GFER: variants seen among roughly 807,000 people sequenced by gnomAD.
The protein encoded by GFER is growth factor, augmenter of liver regeneration, also known as FAD-linked sulfhydryl oxidase ALR.
GFER carries 24 observed loss-of-function variants against 18.2 expected under a neutral mutation model. The ratio of observed to expected loss-of-function variants is 1.32; its 90% CI spans 0.96 to 1.86. GFER has a LOEUF of 1.86. GFER is among the 40% of genes most tolerant of loss of function. GFER has a pLI of 0.00. For synonymous variants in GFER, 138 were observed against 126.9 expected (o/e 1.09, Z -0.59); for missense variants, 316 against 295.6 (o/e 1.07, Z -0.51).
At position 1,986,847 on chromosome 16, in the gene GFER, G is replaced by C. The variant is rs1294994637; in HGVS notation, c.*819G>C. The C allele has an allele frequency of 6.5e-6, 1 of 153,142 alleles. No homozygotes were observed. The highest frequency in any genetic ancestry group is 6.5e-5 in the Admixed American group (1 of 15,332). The allele number at this position is 153,142 out of a possible 1,614,324, so 9.5% of individuals were successfully genotyped here. A position where few individuals can be genotyped will look rare whatever the true frequency, so the allele number is the denominator to read the frequency against. ...CAAGGACGTTGATTGGTTGGGGCAG[G>C]GGGGCCAGAGTAGCTGATGTAGGAG... On this transcript the variant is annotated 3_prime_UTR_variant, in exon 3 of 3. Coordinates refer to ENST00000248114, the MANE Select transcript of GFER (RefSeq NM_005262.3).
intron 2 of GFER, 32 bp downstream of exon 2, chr16:1,984,975 C>T (rs2083556024): frequency 6.5e-7 from 1 of 1,532,012 alleles, no homozygotes; most frequent in South Asian, 1.1e-5. Context: ...CAGAGCTTTG[C>T]ACTGGAGCCT....
Position 1,984,252 on chromosome 16 carries a change from G to C in GFER, c.34G>C (p.Gly12Arg), listed in dbSNP as rs1440828796. Residue 12 changes from glycine (G) to arginine (R), a missense_variant, in exon 1 of 3, where the codon GGC becomes CGC. By Grantham distance (125) the Gly-to-Arg change is moderately radical (BLOSUM62 -2). Coordinates refer to ENST00000248114, the MANE Select transcript of GFER (RefSeq NM_005262.3). The stretch of plus-strand genomic sequence containing the variant: ...GCCCGGCGAGCGGGGCCGCTTCCAC[G>C]GCGGGAACCTCTTCTTCCTGCCGGG... Reference protein sequence around the residue: ...AAPGERGRFHGGNLFFLPGGA... With the variant: ...AAPGERGRFHRGNLFFLPGGA... 2 of 1,475,782 alleles carry C rather than the reference G, an allele frequency of 1.4e-6. No homozygotes were observed. Among genetic ancestry groups the C allele is most frequent in the African/African-American group, 2.9e-5 (2 of 67,924 alleles). 91.4% of individuals were successfully genotyped at this position (1,475,782 alleles called of 1,614,324 possible).
chr16:1,984,842 C>A lies in GFER; in HGVS notation c.354C>A (p.Pro118=), dbSNP rs1276434133. Residue 118 remains proline, a synonymous_variant, in exon 2 of 3, where the codon CCC becomes CCA. Transcript: ENST00000248114. ...AVLHTLAAYY[P]DLPTPEQQQD... is the part of the protein sequence containing the mutation. ...TCCACACCCTGGCCGCCTACTACCCCGACCTGCCCACCCCAGAACAGCAGC... is the reference window on the plus strand; with the variant it reads ...TCCACACCCTGGCCGCCTACTACCCAGACCTGCCCACCCCAGAACAGCAGC... 11 of 1,613,518 alleles carry A rather than the reference C, an allele frequency of 6.8e-6. No homozygotes were observed. The highest frequency in any genetic ancestry group is 9.3e-6 in the Non-Finnish European group (11 of 1,179,806).
At chr16:1,985,802 G>C in intron 2 of GFER, 64 bp from the exon 3 acceptor site, 2 of 1,431,580 alleles carry the variant, frequency 1.4e-6, no homozygotes, top group Non-Finnish European at 2.0e-6. Context: ...ACAGCAGACA[G>C]GGAACTGGCA....
intron 1 of GFER, 55 bp downstream of exon 1, chr16:1,984,531 C>G: frequency 2.6e-6 from 4 of 1,526,196 alleles, no homozygotes; most frequent in Non-Finnish European, 2.6e-6. Context: ...TCCCCGCCCC[C>G]GCCCAGGTAC....
chr16:1,985,950 G>A lies in GFER; in HGVS notation c.540G>A (p.Lys180=). 1 of 1,613,154 alleles carries A rather than the reference G, an allele frequency of 6.2e-7. No individual in the cohort carries two copies. Among genetic ancestry groups the A allele is most frequent in the Middle Eastern group, 1.6e-4 (1 of 6,062 alleles). The change falls in exon 3 of 3, where the codon AAG becomes AAA. Residue 180 remains lysine (K), a synonymous_variant. Coordinates refer to ENST00000248114, the MANE Select transcript of GFER (RefSeq NM_005262.3). Reference sequence around the variant, plus strand: ...ACCTGCACAATGAAGTGAACCGCAAGCTGGGCAAGCCTGACTTCGACTGCT... The same window carrying A: ...ACCTGCACAATGAAGTGAACCGCAAACTGGGCAAGCCTGACTTCGACTGCT... ...LCHLHNEVNR[K]LGKPDFDCSK...
rs558272206 is a variant in GFER at position 1,984,527 on chromosome 16, C to A, written c.258+51C>A. The A allele has an allele frequency of 4.6e-6, 7 of 1,531,928 alleles. No individual in the cohort carries two copies. The East Asian group carries it at 1.7e-4, about 37-fold the overall frequency. 94.9% of individuals were successfully genotyped at this position (1,531,928 alleles called of 1,614,324 possible). A position where few individuals can be genotyped will look rare whatever the true frequency, so the allele number is the denominator to read the frequency against. Reference sequence around the variant, plus strand: ...CAGCCCCGCGCAGCCCCTGTCCCCGCCCCCGCCCAGGTACCCCGGCAGAGC... The same window carrying A: ...CAGCCCCGCGCAGCCCCTGTCCCCGACCCCGCCCAGGTACCCCGGCAGAGC... On this transcript the variant is annotated intron_variant, in intron 1 of 2. Transcript: ENST00000248114.
intron 2 of GFER, 51 bp from the exon 3 acceptor site, chr16:1,985,815 G>A: frequency 2.0e-6 from 3 of 1,522,042 alleles, no homozygotes; most frequent in South Asian, 2.2e-5. Flanking sequence ...AACTGGCAGG[G>A]GCAGTGGAGC....
Position 1,987,672 on chromosome 16 carries a change from GC to G in GFER, c.*1652del, listed in dbSNP as rs372788926. On this transcript the variant is annotated 3_prime_UTR_variant, in exon 3 of 3. Transcript: ENST00000248114. ...TCTGCTGTCCCTCCCCTGCCCCCCT[GC>G]CCCCCCCACCGCCTTCCCTTTTTCC... 0.18 allele frequency: 22,610 copies of G among 127,938 alleles called. 2,137 individuals carry two copies. The highest frequency in any genetic ancestry group is 0.34 in the South Asian group (1,484 of 4,336). 7.9% of individuals were successfully genotyped at this position (127,938 alleles called of 1,614,324 possible).
chr16:1,985,300 C>T (rs923350148), intron 2 of GFER, among the ~76,000 whole-genome samples: 1 of 152,272 alleles, frequency 6.6e-6, no homozygotes, highest in Admixed American at 6.5e-5. Context: ...AAATCCACTG[C>T]TTTTGCTCCC....
Position 1,986,135 on chromosome 16 carries a change from G to A in GFER, c.*107G>A. On this transcript the variant is annotated 3_prime_UTR_variant, in exon 3 of 3. Coordinates refer to ENST00000248114, the MANE Select transcript of GFER (RefSeq NM_005262.3). ...CCAGAGCCTGTTGTGTCTCAGTTGG[G>A]TGGTCCCCAGGACACTGCCTGTGGG... 1 of 1,221,950 alleles carries A rather than the reference G, an allele frequency of 8.2e-7. No individual in the cohort carries two copies. Among genetic ancestry groups the A allele is most frequent in the Non-Finnish European group, 1.2e-6 (1 of 844,208 alleles). The allele number at this position is 1,221,950 out of a possible 1,614,324, so 75.7% of individuals were successfully genotyped here. A position where few individuals can be genotyped will look rare whatever the true frequency, so the allele number is the denominator to read the frequency against.
In GFER at chr16:1,986,548, A is replaced by G; in HGVS notation, c.*520A>G. Reference sequence around the variant, plus strand: ...TCAGGTCGGGTCTTTCTGAGGGTCCACCAGCCATCCTACCCTCTCCCTGCC... The same window carrying G: ...TCAGGTCGGGTCTTTCTGAGGGTCCGCCAGCCATCCTACCCTCTCCCTGCC... On this transcript the variant is annotated 3_prime_UTR_variant, in exon 3 of 3. Coordinates refer to ENST00000248114, the MANE Select transcript of GFER (RefSeq NM_005262.3). 4.7e-6 allele frequency: 1 copy of G among 212,058 alleles called. No individual in the cohort carries two copies. The highest frequency in any genetic ancestry group is 9.7e-6 in the Non-Finnish European group (1 of 102,724). The allele number at this position is 212,058 out of a possible 1,614,324, so 13.1% of individuals were successfully genotyped here.
In GFER at chr16:1,984,492, C is replaced by T; in HGVS notation, c.258+16C>T. 2 of 1,555,150 alleles carry T rather than the reference C, an allele frequency of 1.3e-6. No individual in the cohort carries two copies. Among genetic ancestry groups the T allele is most frequent in the East Asian group, 2.4e-5 (1 of 42,062 alleles). On this transcript the variant is annotated intron_variant, in intron 1 of 2. Transcript: ENST00000248114. ...GCAGCAGAAGGTGCAGTTCCCTGCC[C>T]GATTTCTCCCAGCCCCGCGCAGCCC...
At chr16:1,985,034 G>T in intron 2 of GFER, 91 bp downstream of exon 2, 1 of 1,037,620 alleles carries the variant, frequency 9.6e-7, no homozygotes, top group South Asian at 1.3e-5. Context: ...TAGAGAAACG[G>T]ATGCAGAGGT....
Position 1,986,931 on chromosome 16 carries a change from C to A in GFER, c.*903C>A, listed in dbSNP as rs1043932634. The stretch of plus-strand genomic sequence containing the variant: ...GCCCCAGCAAAGCCATGGCTTCTAC[C>A]CCTAGTTCCCCTGACAGGAAGTTCT... On this transcript the variant is annotated 3_prime_UTR_variant, in exon 3 of 3. Coordinates refer to ENST00000248114, the MANE Select transcript of GFER (RefSeq NM_005262.3). The A allele has an allele frequency of 2.0e-5, 3 of 152,392 alleles. No homozygotes were observed. The highest frequency in any genetic ancestry group is 7.2e-5 in the African/African-American group (3 of 41,398). The allele number at this position is 152,392 out of a possible 1,614,324, so 9.4% of individuals were successfully genotyped here.
At chr16:1,985,604 C>T (rs2083561136) in intron 2 of GFER, among the ~76,000 whole-genome samples, 1 of 152,224 alleles carries the variant, frequency 6.6e-6, no homozygotes, top group South Asian at 2.1e-4. Flanking sequence ...CAGGTCTGTG[C>T]TGTAATGTGT....
intron 1 of GFER, 127 bp downstream of exon 1, chr16:1,984,603 T>C: frequency 7.3e-7 from 1 of 1,376,892 alleles, no homozygotes; most frequent in South Asian, 1.2e-5. Flanking sequence ...GGCCCGGCCT[T>C]ACAGCCTTCA....
chr16:1,984,909 C>A lies in GFER; in HGVS notation c.421C>A (p.Pro141Thr). The A allele has an allele frequency of 6.2e-7, 1 of 1,613,618 alleles. No homozygotes were observed. The highest frequency in any genetic ancestry group is 8.5e-7 in the Non-Finnish European group (1 of 1,179,874). ...CATACATTTATTTTCTAAGTTTTAC[C>A]CCTGTGAGGAGTGTGCTGAAGACCT... The part of the protein sequence containing the change: ...QFIHLFSKFY[P>T]CEECAEDLRK... Residue 141 changes from proline to threonine, a missense_variant, in exon 2 of 3, where the codon CCC (proline) becomes ACC (threonine). By Grantham distance (38) the Pro-to-Thr change is conservative. Transcript: ENST00000248114.
rs2083567985 is a variant in GFER at position 1,986,424 on chromosome 16, C to T, written c.*396C>T. 3 of 353,390 alleles carry T rather than the reference C, an allele frequency of 8.5e-6. No individual in the cohort carries two copies. The highest frequency in any genetic ancestry group is 6.6e-5 in the South Asian group (3 of 45,604). The allele number at this position is 353,390 out of a possible 1,614,324, so 21.9% of individuals were successfully genotyped here. On this transcript the variant is annotated 3_prime_UTR_variant, in exon 3 of 3. Transcript: ENST00000248114. ...TCCCTGGCGGCCAGGCCATTGCCTT[C>T]CCACTATGCAGCCAGGGATGCCCCT...
Sources: gnomAD v4.1 joint callset for allele counts (sites outside exome capture counted in the v4.1 genomes callset) on GRCh38, gnomAD v4.1.1 for gene constraint, MANE v1.5 for transcripts, NCBI Gene and HGNC (gene_info 2026-07-23, HGNC 2026-07-21) for gene names.